The following SND1 variants were observed in gnomAD, a reference collection of about 807,000 sequenced individuals.
SND1 encodes the protein staphylococcal nuclease and tudor domain containing 1.
Under a neutral mutation model 121.7 loss-of-function variants are expected in SND1, and 38 were observed. The observed-to-expected ratio is 0.31, with a 90% confidence interval of 0.24 to 0.41. The LOEUF is 0.41. SND1 is among the 10% of genes least tolerant of loss of function. SND1 has a pLI of 1.00. For missense variants in SND1, 868 were observed against 1,184.6 expected, an observed-to-expected ratio of 0.73 and a Z score of 3.92; for synonymous variants, 401 against 447.4, an observed-to-expected ratio of 0.90 and a Z score of 1.31.
At chr7:127,935,206 C>T (rs928426931) in intron 15 of SND1, among the ~76,000 whole-genome samples, 15 of 152,154 alleles carry the variant, frequency 9.9e-5, no homozygotes, top group African/African-American at 3.6e-4. Context: ...ACAGATTGCA[C>T]TTCCCTGATA....
chr7:127,855,248 T>C, intron 12 of SND1, among the ~76,000 whole-genome samples: 1 of 152,010 alleles, frequency 6.6e-6, no homozygotes, highest in East Asian at 1.9e-4. Context: ...GCCTCCCAAG[T>C]AGCTAGGACC....
At chr7:127,722,120 CAT>C (rs1408019835) in intron 10 of SND1, among the ~76,000 whole-genome samples, 6 of 152,020 alleles carry the variant, frequency 3.9e-5, no homozygotes, top group African/African-American at 1.4e-4. Context: ...TTGGTTATGT[CAT>C]ATTTTTACAG....
chr7:127,713,277 G>GC (rs1450046956), intron 9 of SND1, among the ~76,000 whole-genome samples: 1 of 152,254 alleles, frequency 6.6e-6, no homozygotes, highest in Non-Finnish European at 1.5e-5. Context: ...TAGTTTGCCA[G>GC]CCTTTCTTGT....
intron 15 of SND1, among the ~76,000 whole-genome samples, chr7:127,981,355 C>G (rs914719950): frequency 5.3e-5 from 8 of 152,172 alleles, no homozygotes; most frequent in Non-Finnish European, 7.4e-5. Flanking sequence ...GACATTATTG[C>G]AGCTGCTGCT....
At chr7:127,869,738 G>A (rs967143433) in intron 12 of SND1, among the ~76,000 whole-genome samples, 3 of 151,960 alleles carry the variant, frequency 2.0e-5, no homozygotes, top group Admixed American at 6.6e-5. Flanking sequence ...ATCAACTGTC[G>A]ATTCACATAC....
intron 15 of SND1, among the ~76,000 whole-genome samples, chr7:127,974,618 C>G (rs1802072030): frequency 6.6e-6 from 1 of 152,182 alleles, no homozygotes; most frequent in South Asian, 2.1e-4. Context: ...GAGAATTCCC[C>G]TTCCAAAGCA....
intron 12 of SND1, among the ~76,000 whole-genome samples, chr7:127,851,768 T>G (rs1422951961): frequency 6.6e-6 from 1 of 152,256 alleles, no homozygotes; most frequent in Non-Finnish European, 1.5e-5. Flanking sequence ...ATTTAAATTT[T>G]TGTTCTTTAA....
At chr7:128,072,491 C>CT (rs1472313564) in intron 16 of SND1, among the ~76,000 whole-genome samples, 3 of 152,214 alleles carry the variant, frequency 2.0e-5, no homozygotes, top group African/African-American at 7.2e-5. Flanking sequence ...CCAGGAACCC[C>CT]TAAACACAAG....
intron 10 of SND1, among the ~76,000 whole-genome samples, chr7:127,749,671 G>T (rs1426944363): frequency 1.3e-5 from 2 of 152,202 alleles, no homozygotes; most frequent in East Asian, 3.9e-4. Context: ...TATCAATAGA[G>T]ATTTAAAGTT....
intron 1 of SND1, among the ~76,000 whole-genome samples, chr7:127,685,090 T>A (rs548460493): frequency 6.6e-6 from 1 of 152,158 alleles, no homozygotes. Context: ...GTTCTGGCAA[T>A]GTGCAGTATT....
At chr7:127,827,855 T>C (rs933140405) in intron 11 of SND1, among the ~76,000 whole-genome samples, 1 of 152,132 alleles carries the variant, frequency 6.6e-6, no homozygotes, top group African/African-American at 2.4e-5. Context: ...ATGCACCTAT[T>C]TTTAATATTT....
chr7:127,969,834 C>T (rs1468377421), intron 15 of SND1, among the ~76,000 whole-genome samples: 1 of 152,200 alleles, frequency 6.6e-6, no homozygotes, highest in Non-Finnish European at 1.5e-5. Context: ...ATTTTAGAAT[C>T]ACAGGAACAG....
intron 15 of SND1, among the ~76,000 whole-genome samples, chr7:127,934,664 A>T (rs2116828473): frequency 6.6e-6 from 1 of 152,284 alleles, no homozygotes; most frequent in Non-Finnish European, 1.5e-5. Flanking sequence ...AGGTTTGAGC[A>T]ATCTGGTAGA....
chr7:128,004,540 A>T (rs1563085621), intron 16 of SND1, among the ~76,000 whole-genome samples: 1 of 152,212 alleles, frequency 6.6e-6, no homozygotes, highest in Non-Finnish European at 1.5e-5. Context: ...CTATGCCATG[A>T]AATCTTTTGC....
chr7:127,968,617 CAG>C (rs1346458840), intron 15 of SND1, among the ~76,000 whole-genome samples: 1 of 152,192 alleles, frequency 6.6e-6, no homozygotes, highest in Admixed American at 6.5e-5. Context: ...AGTTTGCACA[CAG>C]AGTCTGAATA....
rs1584748266 is a variant in SND1, at chr7:128,029,511, G to A, written c.1779+38455G>A. 7.4e-6 allele frequency: 12 copies of A among 1,614,090 alleles called. No individual in the cohort carries two copies. Among genetic ancestry groups the A allele is most frequent in the South Asian group, 1.1e-5 (1 of 91,070 alleles). ...CAACCACTTCACGGAGGACATAGGGGGAGTCCGACACTTAAGTTCTGCCAT... is the reference window on the plus strand; with the variant it reads ...CAACCACTTCACGGAGGACATAGGGAGAGTCCGACACTTAAGTTCTGCCAT... On this transcript the variant is annotated intron_variant, in intron 16 of 23. Transcript: ENST00000354725. This position sits in a 1 kb window ranked among gnomAD's most constrained non-coding sequence, Gnocchi z 4.2.
intron 15 of SND1, among the ~76,000 whole-genome samples, chr7:127,976,012 G>T (rs1802112129): frequency 6.6e-6 from 1 of 152,200 alleles, no homozygotes; most frequent in Non-Finnish European, 1.5e-5. Context: ...GGCCACTGTG[G>T]TTTCCTTAGC....
At chr7:127,765,977 C>G (rs887859820) in intron 10 of SND1, among the ~76,000 whole-genome samples, 1 of 152,132 alleles carries the variant, frequency 6.6e-6, no homozygotes. Context: ...GTGGTCAGAT[C>G]GTGTCCTCTA....
intron 13 of SND1, 88 bp from the exon 14 acceptor site, chr7:127,904,659 C>A (rs1178778923): frequency 7.4e-6 from 6 of 806,754 alleles, no homozygotes; most frequent in Non-Finnish European, 1.1e-5. Flanking sequence ...ACTTTAACAA[C>A]CCTCGCTTCT....
Sources: gnomAD v4.1 joint callset for allele counts (sites outside exome capture counted in the v4.1 genomes callset) on GRCh38, gnomAD v4.1.1 for gene constraint, Gnocchi (gnomAD v3.1) non-coding constraint, MANE v1.5 for transcripts, NCBI Gene and HGNC (gene_info 2026-07-23, HGNC 2026-07-21) for gene names.